DCLK2: variants seen among roughly 807,000 people sequenced by gnomAD.
DCLK2 encodes the protein doublecortin like kinase 2, also known as serine/threonine-protein kinase DCLK2.
In DCLK2, 31 loss-of-function variants were observed where a neutral mutation model predicts 78.4. That is an observed-to-expected ratio of 0.40 (90% CI 0.30 to 0.53). The LOEUF (loss-of-function observed/expected upper bound fraction) is 0.53, where lower values mean the gene tolerates loss of function less well. DCLK2 is among the 20% of genes least tolerant of loss of function. The probability of loss-of-function intolerance (pLI) is 0.61; values close to 1 mark genes in which losing one functional copy is unlikely to be tolerated. For synonymous variants in DCLK2, 407 were observed against 374.9 expected, an observed-to-expected ratio of 1.09 and a Z score of -0.99; for missense variants, 872 against 973.7, an observed-to-expected ratio of 0.90 and a Z score of 1.39.
intron 8 of DCLK2, among the ~76,000 whole-genome samples, chr4:150,231,194 A>G (rs1742030546): frequency 6.6e-6 from 1 of 152,252 alleles, no homozygotes; most frequent in Admixed American, 6.5e-5. Context: ...GTTTCCAAGG[A>G]TAAAGTGTTC....
intron 12 of DCLK2, among the ~76,000 whole-genome samples, chr4:150,244,437 A>T (rs764622451): frequency 1.1e-4 from 16 of 152,260 alleles, no homozygotes; most frequent in Non-Finnish European, 1.6e-4. Flanking sequence ...ATGTTTGAAC[A>T]TCATTTGGGA....
At chr4:150,133,401 G>A (rs1293908263) in intron 2 of DCLK2, among the ~76,000 whole-genome samples, 1 of 152,180 alleles carries the variant, frequency 6.6e-6, no homozygotes, top group Non-Finnish European at 1.5e-5. Context: ...CAAGTAGGGT[G>A]AACTTGTACT....
intron 2 of DCLK2, among the ~76,000 whole-genome samples, chr4:150,125,665 G>T (rs527424678): frequency 1.6e-4 from 24 of 152,242 alleles, no homozygotes; most frequent in African/African-American, 5.3e-4. Context: ...TGAAGCAGGT[G>T]GATCACTTGA....
intron 2 of DCLK2, among the ~76,000 whole-genome samples, chr4:150,155,707 A>T (rs1735221773): frequency 6.6e-6 from 1 of 152,166 alleles, no homozygotes; most frequent in African/African-American, 2.4e-5. Flanking sequence ...GGAGTAGCTT[A>T]TGGTGGGCAT....
At chr4:150,123,219 A>G (rs1732691282) in intron 2 of DCLK2, among the ~76,000 whole-genome samples, 2 of 152,138 alleles carry the variant, frequency 1.3e-5, no homozygotes, top group South Asian at 2.1e-4. Context: ...TGTTTTCTTT[A>G]CTAAGCTTGG....
At chr4:150,144,198 A>AT (rs1734299589) in intron 2 of DCLK2, among the ~76,000 whole-genome samples, 1 of 152,076 alleles carries the variant, frequency 6.6e-6, no homozygotes, top group Non-Finnish European at 1.5e-5. Context: ...TTTATTTAGG[A>AT]TTTTTTATAA....
chr4:150,081,426 T>G (rs749904293), intron 1 of DCLK2, among the ~76,000 whole-genome samples: 6 of 152,198 alleles, frequency 3.9e-5, no homozygotes, highest in Non-Finnish European at 8.8e-5. Context: ...TCACTGATTT[T>G]TAGTGGATGG....
intron 2 of DCLK2, among the ~76,000 whole-genome samples, chr4:150,185,638 G>A (rs946768881): frequency 2.0e-5 from 3 of 151,684 alleles, no homozygotes; most frequent in Non-Finnish European, 4.4e-5. Context: ...CGCTTGAACC[G>A]GGGAGGTGGA....
chr4:150,162,566 A>T (rs755876367), intron 2 of DCLK2, among the ~76,000 whole-genome samples: 3 of 152,104 alleles, frequency 2.0e-5, no homozygotes, highest in Non-Finnish European at 2.9e-5. Context: ...ATTGAATGTA[A>T]TTTCAAATTA....
intron 1 of DCLK2, among the ~76,000 whole-genome samples, chr4:150,080,752 A>G (rs977547615): frequency 8.5e-5 from 13 of 152,248 alleles, no homozygotes; most frequent in African/African-American, 2.9e-4. Context: ...ATGGAGCCAC[A>G]TGGAGGAAAA....
chr4:150,238,780 A>C (rs763879309), intron 10 of DCLK2, among the ~76,000 whole-genome samples: 4 of 152,188 alleles, frequency 2.6e-5, no homozygotes, highest in Non-Finnish European at 5.9e-5. Context: ...AAATGTGCTC[A>C]GAGAGGTTAT....
chr4:150,203,866 C>A lies in DCLK2; in HGVS notation c.1033C>A (p.Pro345Thr), dbSNP rs761577454. The change falls in exon 5 of 16, where the codon CCA becomes ACA. Residue 345 changes from proline (P) to threonine (T), a missense_variant. Pro to Thr is a conservative substitution (Grantham distance 38, BLOSUM62 -1). This residue lies in a region of DCLK2 where 567 missense variants were observed against 593.4 expected (regional missense o/e 0.96). Coordinates refer to ENST00000296550, the MANE Select transcript of DCLK2 (RefSeq NM_001040260.4). ...TKSSSSSPTS[P>T]GSFRGLKQIS... The stretch of plus-strand genomic sequence containing the variant: ...ATCCTCCAGTTCCTCTCCAACTAGT[C>A]CAGGAAGTTTCAGAGGATTAAAGGT... 1 of 1,613,598 alleles carries A rather than the reference C, an allele frequency of 6.2e-7. No homozygotes were observed. Among genetic ancestry groups the A allele is most frequent in the Non-Finnish European group, 8.5e-7 (1 of 1,179,708 alleles).
rs1473649394 is a variant in DCLK2 at position 150,203,798 on chromosome 4, A to G, written c.965A>G (p.Asn322Ser). 1.2e-6 allele frequency: 2 copies of G among 1,613,358 alleles called. No homozygotes were observed. The highest frequency in any genetic ancestry group is 1.7e-6 in the Non-Finnish European group (2 of 1,179,360). ...TTCTTTGTTGTCTCATGGGCAGTTA[A>G]TGGAACTCCCAGCAGCCAACTTTCT... ...SRRSKSPASV[N>S]GTPSSQLSTP... Residue 322 changes from asparagine (N) to serine (S), a missense_variant, in exon 5 of 16, where the codon AAT becomes AGT. Around this residue, in one of 3 missense-constraint regions of DCLK2, gnomAD observed 567 missense variants for 593.4 expected, o/e 0.96. Coordinates refer to ENST00000296550, the MANE Select transcript of DCLK2 (RefSeq NM_001040260.4).
At chr4:150,247,777 A>G (rs2359940) in intron 13 of DCLK2, 78 bp downstream of exon 13, 114,941 of 1,137,586 alleles carry the variant, frequency 0.1, 9,525 homozygotes, top group South Asian at 0.29. Context: ...TAGCTGCGCT[A>G]GGTATTGCAT....
intron 2 of DCLK2, among the ~76,000 whole-genome samples, chr4:150,132,367 A>C (rs1258327579): frequency 6.6e-6 from 1 of 152,242 alleles, no homozygotes; most frequent in Non-Finnish European, 1.5e-5. Flanking sequence ...ACTGTGAATC[A>C]AAGTATGCTG....
At chr4:150,083,892 C>T (rs1580466100) in intron 1 of DCLK2, among the ~76,000 whole-genome samples, 2 of 152,362 alleles carry the variant, frequency 1.3e-5, no homozygotes, top group East Asian at 3.9e-4. Flanking sequence ...TGAGGGCATA[C>T]TATGTCCTAG....
rs559538064 is a variant in DCLK2 at position 150,229,176 on chromosome 4, CA to C, written c.1300-3154del. Among the ~76,000 whole-genome samples, 896 of 151,888 alleles carry C rather than the reference CA, an allele frequency of 5.9e-3. 2 individuals are homozygous for C. The highest frequency in any genetic ancestry group is 9.4e-3 in the Non-Finnish European group (638 of 67,924). On this transcript the variant is annotated intron_variant, in intron 8 of 15. Coordinates refer to ENST00000296550, the MANE Select transcript of DCLK2 (RefSeq NM_001040260.4). The stretch of plus-strand genomic sequence containing the variant: ...GCAATATAGTGAGACCCCATTTCTG[CA>C]AAAAAATAATTAACTGGGTGCACAC...
chr4:150,081,635 T>G (rs1429553832), intron 1 of DCLK2, among the ~76,000 whole-genome samples: 1 of 152,054 alleles, frequency 6.6e-6, no homozygotes. Context: ...TGACAATGGG[T>G]CTTTGTTTAA....
intron 2 of DCLK2, among the ~76,000 whole-genome samples, chr4:150,140,937 C>A (rs1424361077): frequency 2.0e-5 from 3 of 152,156 alleles, no homozygotes; most frequent in Non-Finnish European, 4.4e-5. Context: ...TCCTACAAAA[C>A]AGTCTACCTA....
Sources: allele counts gnomAD v4.1 joint callset (sites outside exome capture counted in the v4.1 genomes callset), GRCh38; gene constraint gnomAD v4.1.1; regional missense constraint gnomAD v4.1.1; transcripts MANE v1.5; gene names NCBI Gene and HGNC (gene_info 2026-07-23, HGNC 2026-07-21).